The following SARDH variants were observed in gnomAD, a reference collection of about 807,000 sequenced individuals.
The protein encoded by SARDH is sarcosine dehydrogenase, mitochondrial.
SARDH carries 95 observed loss-of-function variants against 109.1 expected under a neutral mutation model. The ratio of observed to expected loss-of-function variants is 0.87; its 90% CI spans 0.74 to 1.03. The LOEUF (loss-of-function observed/expected upper bound fraction) is 1.03, where lower values mean the gene tolerates loss of function less well. Among genes scored for constraint, SARDH ranks in the 50% least tolerant of loss-of-function variants. The pLI is 0.00. For missense variants in SARDH, 1,267 were observed against 1,287.8 expected (o/e 0.98, Z 0.25); for synonymous variants, 572 against 534.8 (o/e 1.07, Z -0.96).
chr9:133,726,799 C>T (rs1385736039), intron 6 of SARDH, among the ~76,000 whole-genome samples: 2 of 152,184 alleles, frequency 1.3e-5, no homozygotes, highest in Admixed American at 1.3e-4. Flanking sequence ...TCCTCCGAAG[C>T]GCCAGCTGGT....
At chr9:133,725,912 T>A (rs1832474062) in intron 6 of SARDH, among the ~76,000 whole-genome samples, 1 of 152,148 alleles carries the variant, frequency 6.6e-6, no homozygotes, top group Non-Finnish European at 1.5e-5. Context: ...CTGTCCTGTC[T>A]CTGGGAGCAG....
At chr9:133,671,500 GC>G in intron 18 of SARDH, 34 bp downstream of exon 18, 2 of 1,489,388 alleles carry the variant, frequency 1.3e-6, no homozygotes, top group Admixed American at 2.3e-5. Flanking sequence ...CACTGCGCCC[GC>G]CCCCGCCCCG....
In SARDH at chr9:133,694,481, G is replaced by C. The variant is rs1159898482; in HGVS notation, c.1808-110C>G. 1.0e-5 allele frequency: 9 copies of C among 899,852 alleles called. No individual in the cohort carries two copies. In the Admixed American group the frequency reaches 2.0e-4, roughly 20 times the overall value. 55.7% of individuals were successfully genotyped at this position (899,852 alleles called of 1,614,324 possible). ...GGGCAGCTCCTTGTCACGGAGGCTG[G>C]ATAACCCCCAGACAGGATGCCCTAC... is the stretch of plus-strand genomic sequence containing the variant. On this transcript the variant is annotated intron_variant, in intron 14 of 20. Transcript: ENST00000439388.
chr9:133,726,794 C>T (rs1161369337), intron 6 of SARDH, among the ~76,000 whole-genome samples: 4 of 152,178 alleles, frequency 2.6e-5, no homozygotes, highest in Admixed American at 6.5e-5. Flanking sequence ...TCTCTTCCTC[C>T]GAAGCGCCAG....
At chr9:133,733,337 C>T (rs593824) in intron 2 of SARDH, among the ~76,000 whole-genome samples, 58,539 of 152,136 alleles carry the variant, frequency 0.38, 13,297 homozygotes, top group Middle Eastern at 0.51. Context: ...TGCCAGGACA[C>T]CCATGGCTGA....
rs111910250 is a variant in SARDH at position 133,717,212 on chromosome 9, G to A, written c.1150+114C>T. 1.2e-3 allele frequency: 1,604 copies of A among 1,358,994 alleles called. 21 individuals are homozygous for A. In the African/African-American group the frequency reaches 0.019, roughly 16 times the overall value. The allele number at this position is 1,358,994 out of a possible 1,614,324, so 84.2% of individuals were successfully genotyped here. A position where few individuals can be genotyped will look rare whatever the true frequency, so the allele number is the denominator to read the frequency against. On this transcript the variant is annotated intron_variant, in intron 8 of 20. Transcript: ENST00000439388. ...GAGCCAAGCAGCGAGAGGGACCGGG[G>A]ACAGCCCTGGGTCCCCTGTGTGACA...
rs574298445 is a variant in SARDH, at chr9:133,686,166, G to A, written c.2070-880C>T. On this transcript the variant is annotated intron_variant, in intron 16 of 20. Coordinates refer to ENST00000439388, the MANE Select transcript of SARDH (RefSeq NM_001134707.2). The surrounding 1 kb of genome is among the most constrained non-coding windows in gnomAD (Gnocchi z 4.0). Reference sequence around the variant, plus strand: ...TTGCTGGGTCCACCCCTGCTTTTAAGCTCTGCGAGGGTGGGGATTCGCTCC... The same window carrying A: ...TTGCTGGGTCCACCCCTGCTTTTAAACTCTGCGAGGGTGGGGATTCGCTCC... 1.4e-4 allele frequency among the ~76,000 whole-genome samples: 22 copies of A among 152,228 alleles called. No homozygotes were observed. The South Asian group carries it at 4.3e-3, about 30-fold the overall frequency.
chr9:133,679,787 C>T (rs1830633265), intron 17 of SARDH, among the ~76,000 whole-genome samples: 1 of 152,264 alleles, frequency 6.6e-6, no homozygotes, highest in South Asian at 2.1e-4. Context: ...AGCAGCAGTG[C>T]TCAGCTGGGA....
At position 133,686,453 on chromosome 9, in the gene SARDH, T is replaced by C. The variant is rs1443736241; in HGVS notation, c.2070-1167A>G. ...AAGCCCTCCCTGACTCCCTAGGTCT[T>C]GGGCAGGTACTCGTTGTCCAAGATC... is the stretch of plus-strand genomic sequence containing the variant. On this transcript the variant is annotated intron_variant, in intron 16 of 20. Coordinates refer to ENST00000439388, the MANE Select transcript of SARDH (RefSeq NM_001134707.2). The surrounding 1 kb of genome is among the most constrained non-coding windows in gnomAD (Gnocchi z 4.0). Among the ~76,000 whole-genome samples, 1 of 152,088 alleles carries C rather than the reference T, an allele frequency of 6.6e-6. No homozygotes were observed. The highest frequency in any genetic ancestry group is 2.4e-5 in the African/African-American group (1 of 41,416).
Position 133,701,883 on chromosome 9 carries a change from G to C in SARDH, c.1668+1033C>G, listed in dbSNP as rs368269847. Among the ~76,000 whole-genome samples the C allele has an allele frequency of 1.1e-4, 16 of 152,344 alleles. No homozygotes were observed. In the East Asian group the frequency reaches 1.2e-3, roughly 11 times the overall value. On this transcript the variant is annotated intron_variant, in intron 13 of 20. Coordinates refer to ENST00000439388, the MANE Select transcript of SARDH (RefSeq NM_001134707.2). ...AGAACCCAGTGCGGGACCCAGTGGG[G>C]ACCTTGCTCAAAGACCATGAAGAGT...
In SARDH at chr9:133,718,913, T is replaced by G; in HGVS notation, c.1020+25A>C. On this transcript the variant is annotated intron_variant, in intron 7 of 20. Coordinates refer to ENST00000439388, the MANE Select transcript of SARDH (RefSeq NM_001134707.2). The surrounding 1 kb of genome is among the most constrained non-coding windows in gnomAD (Gnocchi z 4.2). ...GAGATGCAGCCCCAACTCCCTCCCATTATCCCAGGGCCCTGGCATCTTACC... is the reference window on the plus strand; with the variant it reads ...GAGATGCAGCCCCAACTCCCTCCCAGTATCCCAGGGCCCTGGCATCTTACC... 1 of 1,557,918 alleles carries G rather than the reference T, an allele frequency of 6.4e-7. No homozygotes were observed. The highest frequency in any genetic ancestry group is 1.7e-5 in the Admixed American group (1 of 59,900).
At chr9:133,708,469 C>A (rs768135723) in intron 10 of SARDH, 41 bp from the exon 11 acceptor site, 2 of 1,578,204 alleles carry the variant, frequency 1.3e-6, no homozygotes, top group Non-Finnish European at 1.7e-6. Context: ...TTGGGGATGG[C>A]CCGTCAGGGA....
chr9:133,702,626 C>T (rs570350025), intron 13 of SARDH, among the ~76,000 whole-genome samples: 1 of 152,340 alleles, frequency 6.6e-6, no homozygotes, highest in Admixed American at 6.5e-5. Context: ...GCGGTGCAGC[C>T]CCACCGGGCC....
intron 13 of SARDH, among the ~76,000 whole-genome samples, chr9:133,698,203 A>C (rs1182882665): frequency 6.6e-6 from 1 of 152,148 alleles, no homozygotes; most frequent in Non-Finnish European, 1.5e-5. Flanking sequence ...AATGCTTAGG[A>C]ATAAATTTAA....
At position 133,666,123 on chromosome 9, in the gene SARDH, T is replaced by C. The variant is rs1564224100; in HGVS notation, c.2631+612A>G. Among the ~76,000 whole-genome samples the C allele has an allele frequency of 6.6e-6, 1 of 152,168 alleles. No homozygotes were observed. Among genetic ancestry groups the C allele is most frequent in the Non-Finnish European group, 1.5e-5 (1 of 68,022 alleles). ...GGCAGTGCCTGCTCTTTCCAGCCTG[T>C]TCCTGCCTCCTGCAGCCAGGGGTCA... On this transcript the variant is annotated intron_variant, in intron 20 of 20. Transcript: ENST00000439388. This position sits in a 1 kb window ranked among gnomAD's most constrained non-coding sequence, Gnocchi z 5.2.
intron 17 of SARDH, among the ~76,000 whole-genome samples, chr9:133,684,025 T>C (rs1208728923): frequency 6.6e-6 from 1 of 151,306 alleles, no homozygotes; most frequent in Non-Finnish European, 1.5e-5. Context: ...GTAACATCCG[T>C]CATGCAGGGC....
intron 13 of SARDH, 56 bp downstream of exon 13, chr9:133,702,860 C>T: frequency 3.9e-6 from 6 of 1,541,850 alleles, no homozygotes; most frequent in Non-Finnish European, 4.4e-6. Context: ...GGCGCAATGG[C>T]TTATCTGAGG....
At chr9:133,722,248 G>A (rs75381910) in intron 6 of SARDH, among the ~76,000 whole-genome samples, 3,694 of 152,084 alleles carry the variant, frequency 0.024, 161 homozygotes, top group African/African-American at 0.084. Context: ...CAAAAACCAC[G>A]TAATCATCCC....
chr9:133,688,486 C>T (rs1293794822), intron 16 of SARDH, among the ~76,000 whole-genome samples: 1 of 152,202 alleles, frequency 6.6e-6, no homozygotes, highest in Non-Finnish European at 1.5e-5. Context: ...CTCGCCTGGC[C>T]TGAGGCTCCT....
Sources: gnomAD v4.1 joint callset for allele counts (sites outside exome capture counted in the v4.1 genomes callset) on GRCh38, gnomAD v4.1.1 for gene constraint, Gnocchi (gnomAD v3.1) non-coding constraint, MANE v1.5 for transcripts, NCBI Gene and HGNC (gene_info 2026-07-23, HGNC 2026-07-21) for gene names.